The following MECOM variants were observed in gnomAD, a reference collection of about 807,000 sequenced individuals.
MECOM encodes the protein MDS1 and EVI1 complex locus, also known as histone-lysine N-methyltransferase MECOM.
MECOM carries 13 observed loss-of-function variants against 116.3 expected under a neutral mutation model. The ratio of observed to expected loss-of-function variants is 0.11; its 90% CI spans 0.07 to 0.18. The LOEUF (loss-of-function observed/expected upper bound fraction) is 0.18. MECOM is among the 10% of genes least tolerant of loss of function. The pLI is 1.00. For missense variants in MECOM, 1,299 were observed against 1,509.0 expected (o/e 0.86, Z 2.31); for synonymous variants, 528 against 535.2 (o/e 0.99, Z 0.19).
intron 2 of MECOM, among the ~76,000 whole-genome samples, chr3:169,346,465 A>G (rs78606460): frequency 0.015 from 2,316 of 152,170 alleles, 32 homozygotes; most frequent in East Asian, 0.073. Flanking sequence ...TTCAAATGAT[A>G]ACGTATTATT....
At chr3:169,294,348 CA>C (rs1715179616) in intron 2 of MECOM, among the ~76,000 whole-genome samples, 1 of 152,144 alleles carries the variant, frequency 6.6e-6, no homozygotes, top group African/African-American at 2.4e-5. Context: ...GCAATTTCTA[CA>C]GGCAGGTGTT....
chr3:169,515,872 A>G (rs1756557087), intron 1 of MECOM, among the ~76,000 whole-genome samples: 1 of 152,226 alleles, frequency 6.6e-6, no homozygotes, highest in East Asian at 1.9e-4. Flanking sequence ...GTACTTTTCC[A>G]CTGAAAGAGT....
At chr3:169,332,736 G>A (rs908911222) in intron 2 of MECOM, among the ~76,000 whole-genome samples, 1 of 152,134 alleles carries the variant, frequency 6.6e-6, no homozygotes, top group African/African-American at 2.4e-5. Context: ...TTACATTTGT[G>A]AAATGTCACA....
rs115106820 is a variant in MECOM, at chr3:169,322,062, C to T, written c.375+59125G>A. On this transcript the variant is annotated intron_variant, in intron 2 of 16. Transcript: ENST00000651503. ...TTACAAAATAATATTGGTTTCTTCA[C>T]ATGTGGCACCCCTTGTCAACACCAT... 4.7e-3 allele frequency among the ~76,000 whole-genome samples: 713 copies of T among 152,302 alleles called. 4 individuals carry two copies. Among genetic ancestry groups the T allele is most frequent in the Middle Eastern group, 0.01 (3 of 294 alleles).
intron 2 of MECOM, among the ~76,000 whole-genome samples, chr3:169,224,392 C>G (rs142615112): frequency 1.3e-5 from 2 of 152,194 alleles, no homozygotes; most frequent in Non-Finnish European, 2.9e-5. Context: ...TCCAACACAA[C>G]GTAAACCCAA....
intron 1 of MECOM, among the ~76,000 whole-genome samples, chr3:169,495,328 A>G (rs753441371): frequency 1.3e-5 from 2 of 152,220 alleles, no homozygotes; most frequent in Non-Finnish European, 2.9e-5. Context: ...ATGGAGCAGC[A>G]GATGGTTCAA....
At position 169,472,464 on chromosome 3, in the gene MECOM, GAAGGAAAGGAAAGGA is replaced by G. The variant is rs200628251; in HGVS notation, c.38-90955_38-90941del. Among the ~76,000 whole-genome samples the G allele has an allele frequency of 6.3e-3, 404 of 64,016 alleles. 20 individuals carry two copies. The highest frequency in any genetic ancestry group is 0.028 in the East Asian group (45 of 1,636). The allele number at this position is 64,016 out of a possible 152,430, so 42.0% of individuals were successfully genotyped here. A position where few individuals can be genotyped will look rare whatever the true frequency, so the allele number is the denominator to read the frequency against. On this transcript the variant is annotated intron_variant, in intron 1 of 16. Coordinates refer to ENST00000651503, the MANE Select transcript of MECOM (RefSeq NM_004991.4). ...GGAGAGAAAAGGAAAGGAAGGGAAA[GAAGGAAAGGAAAGGA>G]AAGGAAAGGAAAGGAAAGGAAAGGA...
chr3:169,563,209 G>C (rs1478567846), intron 1 of MECOM, among the ~76,000 whole-genome samples: 3 of 152,152 alleles, frequency 2.0e-5, no homozygotes, highest in Non-Finnish European at 4.4e-5. Flanking sequence ...AGAATCCTAT[G>C]GTAATTGGCA....
At chr3:169,570,381 C>T (rs999050369) in intron 1 of MECOM, among the ~76,000 whole-genome samples, 8 of 152,118 alleles carry the variant, frequency 5.3e-5, no homozygotes, top group South Asian at 2.1e-4. Context: ...CAGGACCAGA[C>T]GGATTCACAG....
At chr3:169,489,066 G>T (rs1244812605) in intron 1 of MECOM, among the ~76,000 whole-genome samples, 1 of 152,050 alleles carries the variant, frequency 6.6e-6, no homozygotes, top group Non-Finnish European at 1.5e-5. Context: ...AGATACACAA[G>T]AGATTTTTAA....
rs1776612567 is a variant in MECOM, at chr3:169,663,521, TCTCTCTCTCC to T, written c.-159_-150del. On this transcript the variant is annotated 5_prime_UTR_variant, in exon 1 of 17. Transcript: ENST00000651503. ...CTCTCTCTCTCTCTCTCTCTCTCTC[TCTCTCTCTCC>T]CTCCCTCCTGTTTCTCTCCTGTTTC... The T allele has an allele frequency of 1.7e-5, 10 of 581,040 alleles. No individual in the cohort carries two copies. Among genetic ancestry groups the T allele is most frequent in the African/African-American group, 2.2e-5 (1 of 44,456 alleles). 36.0% of individuals were successfully genotyped at this position (581,040 alleles called of 1,614,324 possible).
intron 1 of MECOM, among the ~76,000 whole-genome samples, chr3:169,493,785 T>G (rs1753445745): frequency 6.6e-6 from 1 of 151,580 alleles, no homozygotes; most frequent in South Asian, 2.1e-4. Flanking sequence ...AGAATGAAGA[T>G]TCAACTTAAG....
chr3:169,582,864 T>C (rs573124110), intron 1 of MECOM, among the ~76,000 whole-genome samples: 82 of 152,384 alleles, frequency 5.4e-4, no homozygotes, highest in African/African-American at 1.9e-3. Flanking sequence ...GTTTTCTTTA[T>C]GATTTGTCAG....
intron 2 of MECOM, among the ~76,000 whole-genome samples, chr3:169,252,587 T>G (rs1447867720): frequency 6.6e-6 from 1 of 151,918 alleles, no homozygotes; most frequent in Non-Finnish European, 1.5e-5. Flanking sequence ...TCTATTGAAT[T>G]AAAAATGCAA....
chr3:169,548,793 T>G (rs1199216744), intron 1 of MECOM, among the ~76,000 whole-genome samples: 1 of 152,216 alleles, frequency 6.6e-6, no homozygotes, highest in African/African-American at 2.4e-5. Context: ...TGTTTTATTC[T>G]GTGCTCCATT....
chr3:169,136,213 A>G (rs1029998302), intron 3 of MECOM, among the ~76,000 whole-genome samples: 2 of 151,732 alleles, frequency 1.3e-5, no homozygotes, highest in Non-Finnish European at 2.9e-5. Context: ...GTACATTTTC[A>G]TGTGGTGTTA....
At position 169,143,784 on chromosome 3, in the gene MECOM, G is replaced by A. The variant is rs778161335; in HGVS notation, c.424C>T (p.Pro142Ser). 1.4e-4 allele frequency: 223 copies of A among 1,611,500 alleles called. No homozygotes were observed. Among genetic ancestry groups the A allele is most frequent in the Non-Finnish European group, 1.8e-4 (214 of 1,178,840 alleles). Residue 142 changes from proline to serine, a missense_variant, in exon 3 of 17, where the codon CCA becomes TCA. Around this residue, in one of 6 missense-constraint regions of MECOM, gnomAD observed 374 missense variants for 433.4 expected, o/e 0.86. Coordinates refer to ENST00000651503, the MANE Select transcript of MECOM (RefSeq NM_004991.4). ...NVKFCIDASQ[P>S]DVGSWLKYIR... ...TACTTGAGCCAGCTTCCAACATCTG[G>A]TTGACTGGCATCTATGCAGAACTTC... is the stretch of plus-strand genomic sequence containing the variant.
intron 1 of MECOM, among the ~76,000 whole-genome samples, chr3:169,504,908 G>C (rs1755008877): frequency 6.6e-6 from 1 of 152,122 alleles, no homozygotes; most frequent in Non-Finnish European, 1.5e-5. Flanking sequence ...GCTTAGCATA[G>C]GCATAGCTGG....
At chr3:169,111,472 G>C (rs181330441) in intron 9 of MECOM, among the ~76,000 whole-genome samples, 3 of 152,148 alleles carry the variant, frequency 2.0e-5, no homozygotes, top group Admixed American at 2.0e-4. Context: ...CTACATTCCA[G>C]TTTATTAGCC....
Sources: allele counts gnomAD v4.1 joint callset (sites outside exome capture counted in the v4.1 genomes callset), GRCh38; gene constraint gnomAD v4.1.1; regional missense constraint gnomAD v4.1.1; transcripts MANE v1.5; gene names NCBI Gene and HGNC (gene_info 2026-07-23, HGNC 2026-07-21).